The following RPS6KC1 variants were observed in gnomAD, a reference collection of about 807,000 sequenced individuals.
RPS6KC1 encodes inactive ribosomal protein S6 kinase delta-1.
RPS6KC1 carries 54 observed loss-of-function variants against 103.8 expected under a neutral mutation model. The observed-to-expected ratio is 0.52, with a 90% confidence interval of 0.42 to 0.65. RPS6KC1 has a LOEUF of 0.65. Ranked by LOEUF, RPS6KC1 falls within the 30% of genes least tolerant of loss-of-function variation. The probability of loss-of-function intolerance (pLI) is 0.00; values close to 1 mark genes in which losing one functional copy is unlikely to be tolerated. For synonymous variants in RPS6KC1, 439 were observed against 438.7 expected, an observed-to-expected ratio of 1.00 and a Z score of -0.01; for missense variants, 1,151 against 1,253.8, an observed-to-expected ratio of 0.92 and a Z score of 1.24.
chr1:213,572,021 G>A, the RPS6KC1 span, among the ~76,000 whole-genome samples: 121 of 152,290 alleles, frequency 7.9e-4, no homozygotes, highest in African/African-American at 2.8e-3. Flanking sequence ...TCGCTGCACC[G>A]ATTTCTGTGA....
chr1:213,857,047 A>G, the RPS6KC1 span, among the ~76,000 whole-genome samples: 5 of 152,270 alleles, frequency 3.3e-5, no homozygotes, highest in Non-Finnish European at 7.3e-5. Context: ...TATTAGTCTT[A>G]TATTTGTATT....
the RPS6KC1 span, among the ~76,000 whole-genome samples, chr1:213,366,690 C>T: frequency 1.3e-5 from 2 of 152,214 alleles, no homozygotes; most frequent in African/African-American, 2.4e-5. Flanking sequence ...ATGACCCCTT[C>T]GGGTGTTAGT....
chr1:213,082,170 C>T (rs1164411141), intron 3 of RPS6KC1, among the ~76,000 whole-genome samples: 1 of 151,936 alleles, frequency 6.6e-6, no homozygotes, highest in East Asian at 1.9e-4. Context: ...CCTGTAATCC[C>T]AGCACTTTGG....
At chr1:213,184,366 A>G (rs1292163496) in intron 8 of RPS6KC1, among the ~76,000 whole-genome samples, 4 of 152,084 alleles carry the variant, frequency 2.6e-5, no homozygotes, top group Non-Finnish European at 5.9e-5. Flanking sequence ...ACAAAATCTA[A>G]AATTAATTCT....
At chr1:213,637,869 T>C in the RPS6KC1 span, among the ~76,000 whole-genome samples, 7 of 152,112 alleles carry the variant, frequency 4.6e-5, no homozygotes, top group African/African-American at 1.4e-4. Flanking sequence ...TTGCCTAGGC[T>C]GGAGTGCAGT....
chr1:213,192,000 C>G (rs551363916), intron 8 of RPS6KC1, among the ~76,000 whole-genome samples: 1 of 151,788 alleles, frequency 6.6e-6, no homozygotes, highest in East Asian at 1.9e-4. Flanking sequence ...TAGATCTGCC[C>G]GATTCAGCCT....
chr1:213,264,434 G>T (rs1465077259), intron 14 of RPS6KC1, among the ~76,000 whole-genome samples: 1 of 152,016 alleles, frequency 6.6e-6, no homozygotes, highest in Non-Finnish European at 1.5e-5. Flanking sequence ...AGGAAAGACT[G>T]GCAACTGCTA....
At chr1:213,630,494 A>G in the RPS6KC1 span, among the ~76,000 whole-genome samples, 6 of 152,134 alleles carry the variant, frequency 3.9e-5, no homozygotes, top group Non-Finnish European at 8.8e-5. Flanking sequence ...TTTTTTTTCA[A>G]GGTTTTTAAC....
At chr1:213,186,358 G>A (rs1330495889) in intron 8 of RPS6KC1, among the ~76,000 whole-genome samples, 3 of 151,838 alleles carry the variant, frequency 2.0e-5, no homozygotes, top group Admixed American at 6.6e-5. Context: ...CAGTATTCTC[G>A]GATGGCAGTT....
the RPS6KC1 span, chr1:213,428,573 TCC>T: frequency 8.7e-6 from 1 of 114,742 alleles, no homozygotes; most frequent in Admixed American, 8.5e-5. Flanking sequence ...GCTCTTTATC[TCC>T]CTCCCTCCCT....
At chr1:213,635,926 G>A in the RPS6KC1 span, among the ~76,000 whole-genome samples, 4 of 152,238 alleles carry the variant, frequency 2.6e-5, no homozygotes, top group South Asian at 2.1e-4. Flanking sequence ...AAAGTCTCAG[G>A]ATACAAAATC....
the RPS6KC1 span, among the ~76,000 whole-genome samples, chr1:213,505,413 A>G: frequency 6.6e-6 from 1 of 152,298 alleles, no homozygotes; most frequent in South Asian, 2.1e-4. Context: ...GATTGTCTGG[A>G]TTCGAATCCC....
intron 8 of RPS6KC1, among the ~76,000 whole-genome samples, chr1:213,218,359 T>C (rs568471875): frequency 1.3e-5 from 2 of 151,810 alleles, no homozygotes; most frequent in Non-Finnish European, 2.9e-5. Flanking sequence ...CACTGCTCAA[T>C]GAAATAAAAG....
At chr1:213,384,524 G>A in the RPS6KC1 span, among the ~76,000 whole-genome samples, 1 of 152,138 alleles carries the variant, frequency 6.6e-6, no homozygotes, top group East Asian at 1.9e-4. Flanking sequence ...ATGATGGTTA[G>A]GAGGTCTGTG....
chr1:213,368,167 T>G, the RPS6KC1 span, among the ~76,000 whole-genome samples: 1 of 152,260 alleles, frequency 6.6e-6, no homozygotes, highest in African/African-American at 2.4e-5. Context: ...GCTGATGGTA[T>G]TCACAGCAGC....
At chr1:213,819,261 G>C in the RPS6KC1 span, 1 of 152,240 alleles carries the variant, frequency 6.6e-6, no homozygotes, top group African/African-American at 2.4e-5. Context: ...CAGCTTTCAG[G>C]GTTCACCACA....
the RPS6KC1 span, among the ~76,000 whole-genome samples, chr1:213,443,712 T>C: frequency 6.6e-6 from 1 of 151,894 alleles, no homozygotes; most frequent in Admixed American, 6.6e-5. Context: ...GCCTAGGAGT[T>C]TGCAACCAGC....
chr1:213,516,774 A>G, the RPS6KC1 span, among the ~76,000 whole-genome samples: 4 of 152,252 alleles, frequency 2.6e-5, no homozygotes, highest in African/African-American at 7.2e-5. Flanking sequence ...CTCTTTTTCT[A>G]TTGATTGAAA....
intron 8 of RPS6KC1, among the ~76,000 whole-genome samples, chr1:213,186,081 C>CTGATTTGATAAAATCAGG (rs1226369243): frequency 6.6e-6 from 1 of 151,432 alleles, no homozygotes; most frequent in Non-Finnish European, 1.5e-5. Context: ...TCTATATTAC[C>CTGATTTGATAAAATCAGG]TGATTTGATA....
Sources: allele counts gnomAD v4.1 joint callset (sites outside exome capture counted in the v4.1 genomes callset), GRCh38; gene constraint gnomAD v4.1.1; transcripts MANE v1.5; gene names NCBI Gene and HGNC (gene_info 2026-07-23, HGNC 2026-07-21).